The following PRSS23 variants were observed in gnomAD, a reference collection of about 807,000 sequenced individuals.
PRSS23 encodes the protein serine protease 23.
Under a neutral mutation model 34.7 loss-of-function variants are expected in PRSS23, and 25 were observed. The observed-to-expected ratio is 0.72, with a 90% CI of 0.53 to 1.01. PRSS23 has a LOEUF of 1.01. Ranked by LOEUF, PRSS23 falls within the 50% of genes least tolerant of loss-of-function variation. PRSS23 has a pLI of 0.00. For missense variants in PRSS23, 445 were observed against 475.6 expected, an observed-to-expected ratio of 0.94 and a Z score of 0.60; for synonymous variants, 176 against 186.6, an observed-to-expected ratio of 0.94 and a Z score of 0.46.
At chr11:86,867,481 G>C (rs1401944392) in intron 2 of PRSS23, among the ~76,000 whole-genome samples, 1 of 152,214 alleles carries the variant, frequency 6.6e-6, no homozygotes, top group African/African-American at 2.4e-5. Context: ...TACTGAGGAA[G>C]GGATCAATAA....
intron 1 of PRSS23, among the ~76,000 whole-genome samples, chr11:86,803,426 A>G (rs2135595252): frequency 6.6e-6 from 1 of 152,340 alleles, no homozygotes; most frequent in Admixed American, 6.5e-5. Flanking sequence ...GTAAACTTAA[A>G]CAGGTATAGC....
At chr11:86,823,698 C>G (rs1948271687) in intron 2 of PRSS23, 1 of 662,196 alleles carries the variant, frequency 1.5e-6, no homozygotes, top group African/African-American at 1.8e-5. Context: ...AGCAATGTCA[C>G]ATTGGTTTCA....
At chr11:86,830,644 G>A (rs1006102090) in intron 2 of PRSS23, among the ~76,000 whole-genome samples, 1 of 152,016 alleles carries the variant, frequency 6.6e-6, no homozygotes, top group Admixed American at 6.6e-5. Context: ...GCTTGACTCT[G>A]TAATATCCTA....
intron 2 of PRSS23, among the ~76,000 whole-genome samples, chr11:86,938,409 T>A (rs1201819386): frequency 3.3e-5 from 5 of 151,880 alleles, no homozygotes. Flanking sequence ...CTCAGGGACT[T>A]GAAGAATGAG....
At chr11:86,874,664 A>G (rs1386876701) in intron 2 of PRSS23, among the ~76,000 whole-genome samples, 1 of 152,326 alleles carries the variant, frequency 6.6e-6, no homozygotes, top group Admixed American at 6.5e-5. Flanking sequence ...TTACCTATTG[A>G]CTTATAACAC....
chr11:86,878,210 C>T (rs147171724), intron 2 of PRSS23, among the ~76,000 whole-genome samples: 5,294 of 150,278 alleles, frequency 0.035, 160 homozygotes, highest in Admixed American at 0.058. Flanking sequence ...GGATTTCTCC[C>T]TCTCCCTCCC....
Position 86,942,017 on chromosome 11 carries a change from G to A in PRSS23, c.207-9199G>A, listed in dbSNP as rs528987050. Among the ~76,000 whole-genome samples, 279 of 152,268 alleles carry A rather than the reference G, an allele frequency of 1.8e-3. 1 individual carries two copies. The highest frequency in any genetic ancestry group is 0.014 in the Middle Eastern group (4 of 294). Reference sequence around the variant, plus strand: ...TGCCCTGTGCCAGGCAGTGTGCCAAGCTCTGACGGTACATAAATAGACAAC... The same window carrying A: ...TGCCCTGTGCCAGGCAGTGTGCCAAACTCTGACGGTACATAAATAGACAAC... On this transcript the variant is annotated intron_variant, in intron 2 of 2. Coordinates refer to the PRSS23 transcript ENST00000533902.
At chr11:86,926,882 C>A (rs1335543885) in intron 2 of PRSS23, among the ~76,000 whole-genome samples, 2 of 152,212 alleles carry the variant, frequency 1.3e-5, no homozygotes, top group Non-Finnish European at 2.9e-5. Context: ...CTATGTTTAT[C>A]TGCAAAAAGC....
chr11:86,879,203 A>C (rs11234853), intron 2 of PRSS23, among the ~76,000 whole-genome samples: 2 of 122,404 alleles, frequency 1.6e-5, no homozygotes, highest in Non-Finnish European at 1.8e-5. Flanking sequence ...GCGGCCCATC[A>C]TCTGAGATGT....
chr11:86,874,825 A>T (rs1232968404), intron 2 of PRSS23, among the ~76,000 whole-genome samples: 1 of 152,174 alleles, frequency 6.6e-6, no homozygotes, highest in Non-Finnish European at 1.5e-5. Flanking sequence ...ACAGAGGATG[A>T]TACAAGTGGC....
At chr11:86,823,635 G>A (rs1264626261) in intron 2 of PRSS23, 2 of 699,036 alleles carry the variant, frequency 2.9e-6, no homozygotes, top group Non-Finnish European at 5.2e-6. Flanking sequence ...GTGCTTAATG[G>A]TGCTTAAATC....
At chr11:86,952,345 A>G (rs765006104) in exon 3 of PRSS23, 2 of 1,614,234 alleles carry the variant, frequency 1.2e-6, no homozygotes, top group South Asian at 2.2e-5. Context: ...CTGGCCAGGC[A>G]AATCCAAATT....
rs1319609841 is a variant in PRSS23, at chr11:86,927,413, T to C, written c.207-23803T>C. 2.0e-5 allele frequency among the ~76,000 whole-genome samples: 3 copies of C among 152,218 alleles called. No individual in the cohort carries two copies. The East Asian group carries it at 5.8e-4, about 29-fold the overall frequency. On this transcript the variant is annotated intron_variant, in intron 2 of 2. Coordinates refer to the PRSS23 transcript ENST00000533902. ...CTGACCCTGAGCTGGCATTCTCCAG[T>C]TGGCATTGAGTAGAATAACTGGCAT...
At chr11:86,829,904 G>A (rs529769364) in intron 2 of PRSS23, among the ~76,000 whole-genome samples, 5 of 152,330 alleles carry the variant, frequency 3.3e-5, no homozygotes, top group African/African-American at 1.2e-4. Context: ...CCCTACTGGG[G>A]GGTGCCTCCC....
chr11:86,877,303 G>A (rs533614295), intron 2 of PRSS23, among the ~76,000 whole-genome samples: 3 of 152,192 alleles, frequency 2.0e-5, no homozygotes, highest in Non-Finnish European at 2.9e-5. Flanking sequence ...GATTTAGTGG[G>A]GGATTAAAGG....
chr11:86,855,410 A>G (rs1270691186), intron 2 of PRSS23, among the ~76,000 whole-genome samples: 1 of 152,008 alleles, frequency 6.6e-6, no homozygotes, highest in Admixed American at 6.6e-5. Context: ...TTTGTACCCA[A>G]TTATCCACTT....
In PRSS23 at chr11:86,827,394, A is replaced by G. The variant is rs1203328614; in HGVS notation, c.206+3801A>G. Among the ~76,000 whole-genome samples, 4 of 151,460 alleles carry G rather than the reference A, an allele frequency of 2.6e-5. No homozygotes were observed. In the East Asian group the frequency reaches 7.8e-4, roughly 29 times the overall value. On this transcript the variant is annotated intron_variant, in intron 2 of 2. Coordinates refer to the PRSS23 transcript ENST00000533902. The stretch of plus-strand genomic sequence containing the variant: ...TTGATTCTTCTCTCTTTTCTTCTTT[A>G]TTAGTCTTGCTAGCAGTCTATCAAT...
chr11:86,829,846 G>A (rs1157281670), intron 2 of PRSS23, among the ~76,000 whole-genome samples: 1 of 152,218 alleles, frequency 6.6e-6, no homozygotes, highest in Non-Finnish European at 1.5e-5. Flanking sequence ...CGTTCCTCTG[G>A]AAGTTTTGTC....
In PRSS23 at chr11:86,821,740, T is replaced by C. The variant is rs187844155; in HGVS notation, c.-11-1637T>C. On this transcript the variant is annotated intron_variant, in intron 1 of 2. Transcript: ENST00000533902. ...TAGTGTACTGTCTATTTCTTCAAAGTGTTCGTCAGGCCAATTATAAAAATC... is the reference window on the plus strand; with the variant it reads ...TAGTGTACTGTCTATTTCTTCAAAGCGTTCGTCAGGCCAATTATAAAAATC... 15 of 1,350,400 alleles carry C rather than the reference T, an allele frequency of 1.1e-5. No homozygotes were observed. The South Asian group carries it at 2.0e-4, about 18-fold the overall frequency. The allele number at this position is 1,350,400 out of a possible 1,614,324, so 83.7% of individuals were successfully genotyped here.
Sources: gnomAD v4.1 joint callset for allele counts (sites outside exome capture counted in the v4.1 genomes callset) on GRCh38, gnomAD v4.1.1 for gene constraint, MANE v1.5 for transcripts, NCBI Gene and HGNC (gene_info 2026-07-23, HGNC 2026-07-21) for gene names.